Variants in WDFY2 observed in about 807,000 individuals in gnomAD.
The protein encoded by WDFY2 is WD repeat and FYVE domain containing 2.
In WDFY2, 36 loss-of-function variants were observed where a neutral mutation model predicts 56.4. That is an observed-to-expected ratio of 0.64 (90% confidence interval 0.49 to 0.84). The LOEUF (loss-of-function observed/expected upper bound fraction) is 0.84. WDFY2 is among the 40% of genes least tolerant of loss of function. The pLI, the probability that WDFY2 is intolerant of heterozygous loss-of-function variation, is 0.00. For synonymous variants in WDFY2, 176 were observed against 183.7 expected, an observed-to-expected ratio of 0.96 and a Z score of 0.34; for missense variants, 444 against 512.2, an observed-to-expected ratio of 0.87 and a Z score of 1.29.
intron 4 of WDFY2, among the ~76,000 whole-genome samples, chr13:51,707,522 C>T (rs1165608949): frequency 6.6e-6 from 1 of 152,154 alleles, no homozygotes; most frequent in Non-Finnish European, 1.5e-5. Flanking sequence ...GAGAAAGTAT[C>T]TTTCAAAAAC....
At chr13:51,653,261 C>T (rs903491646) in intron 1 of WDFY2, among the ~76,000 whole-genome samples, 12 of 152,156 alleles carry the variant, frequency 7.9e-5, no homozygotes, top group Non-Finnish European at 1.6e-4. Context: ...TCCATCAGGT[C>T]CTTTAAGGAC....
intron 4 of WDFY2, among the ~76,000 whole-genome samples, chr13:51,704,151 C>G (rs1157501015): frequency 3.3e-5 from 5 of 152,094 alleles, no homozygotes; most frequent in African/African-American, 1.2e-4. Flanking sequence ...TGAGGTAGAC[C>G]TTTTAACACT....
intron 4 of WDFY2, among the ~76,000 whole-genome samples, chr13:51,717,815 C>G (rs1019474190): frequency 1.3e-5 from 2 of 152,114 alleles, no homozygotes; most frequent in Non-Finnish European, 2.9e-5. Flanking sequence ...GTCACTGCTT[C>G]CCTATTCCCT....
At chr13:51,633,237 A>G (rs1332496710) in intron 1 of WDFY2, among the ~76,000 whole-genome samples, 1 of 152,234 alleles carries the variant, frequency 6.6e-6, no homozygotes, top group Non-Finnish European at 1.5e-5. Flanking sequence ...CCTCTGCTCC[A>G]ACCCTGGAGC....
intron 3 of WDFY2, among the ~76,000 whole-genome samples, chr13:51,701,163 A>G: frequency 6.6e-6 from 1 of 152,210 alleles, no homozygotes; most frequent in East Asian, 1.9e-4. Flanking sequence ...TGGTATCACA[A>G]GGGATTTTTA....
chr13:51,652,854 A>C (rs1344196160), intron 1 of WDFY2, among the ~76,000 whole-genome samples: 1 of 151,940 alleles, frequency 6.6e-6, no homozygotes, highest in African/African-American at 2.4e-5. Flanking sequence ...CCTTCATTTC[A>C]ACTTTGGTGA....
intron 4 of WDFY2, among the ~76,000 whole-genome samples, chr13:51,718,078 A>G (rs534939450): frequency 6.6e-6 from 1 of 152,318 alleles, no homozygotes; most frequent in South Asian, 2.1e-4. Context: ...TGGTATTATT[A>G]TTGTCAGCAG....
intron 3 of WDFY2, among the ~76,000 whole-genome samples, chr13:51,694,951 C>A (rs1172846494): frequency 5.3e-5 from 8 of 152,168 alleles, no homozygotes; most frequent in African/African-American, 1.9e-4. Flanking sequence ...ATCACTGATA[C>A]CCTTTCTTCC....
chr13:51,628,694 G>A (rs1954888664), intron 1 of WDFY2, among the ~76,000 whole-genome samples: 1 of 152,232 alleles, frequency 6.6e-6, no homozygotes, highest in Non-Finnish European at 1.5e-5. Context: ...GGCAGGATGA[G>A]CTAATAGAGC....
intron 1 of WDFY2, among the ~76,000 whole-genome samples, chr13:51,641,197 C>T (rs1000940824): frequency 2.6e-5 from 4 of 151,916 alleles, no homozygotes; most frequent in Admixed American, 6.5e-5. Flanking sequence ...CCTAGCCTCC[C>T]GAGTAGCTGG....
At chr13:51,611,568 C>CA (rs1371318008) in intron 1 of WDFY2, among the ~76,000 whole-genome samples, 2 of 152,196 alleles carry the variant, frequency 1.3e-5, no homozygotes, top group Non-Finnish European at 2.9e-5. Flanking sequence ...AAGGGGTTCA[C>CA]AACACTGTTG....
chr13:51,695,016 T>A (rs1460160198), intron 3 of WDFY2, among the ~76,000 whole-genome samples: 3 of 152,230 alleles, frequency 2.0e-5, no homozygotes, highest in Admixed American at 6.5e-5. Flanking sequence ...TTCTCAAGCC[T>A]TGGCTTTCAG....
chr13:51,760,817 A>C lies in WDFY2; in HGVS notation c.*1048A>C, dbSNP rs2138790811. ...TCTGCTCCTGTGAGAATCTGACGCC[A>C]CCGCTGATCTGATGGGAGGCGGAGC... is the stretch of plus-strand genomic sequence containing the variant. On this transcript the variant is annotated 3_prime_UTR_variant, in exon 12 of 12. Coordinates refer to ENST00000298125, the MANE Select transcript of WDFY2 (RefSeq NM_052950.4). 6.6e-6 allele frequency: 1 copy of C among 152,480 alleles called. No individual in the cohort carries two copies. The highest frequency in any genetic ancestry group is 3.4e-3 in the Middle Eastern group (1 of 294). The allele number at this position is 152,480 out of a possible 1,614,324, so 9.4% of individuals were successfully genotyped here.
At chr13:51,627,357 G>A (rs116234250) in intron 1 of WDFY2, among the ~76,000 whole-genome samples, 121 of 152,122 alleles carry the variant, frequency 8.0e-4, no homozygotes, top group African/African-American at 2.1e-3. Flanking sequence ...TCCATTTGAC[G>A]GGTCCGTAGT....
chr13:51,701,898 G>A (rs983841612), intron 3 of WDFY2, among the ~76,000 whole-genome samples: 2 of 152,084 alleles, frequency 1.3e-5, no homozygotes, highest in African/African-American at 4.8e-5. Flanking sequence ...TGGGGGTCAG[G>A]GTCAAGGTCC....
intron 3 of WDFY2, among the ~76,000 whole-genome samples, chr13:51,700,042 G>A (rs1367282340): frequency 2.0e-5 from 3 of 152,108 alleles, no homozygotes; most frequent in Middle Eastern, 3.2e-3. Flanking sequence ...CTGTATTTTG[G>A]GTGAAAACAG....
chr13:51,652,396 C>G (rs1955409485), intron 1 of WDFY2, among the ~76,000 whole-genome samples: 1 of 152,106 alleles, frequency 6.6e-6, no homozygotes, highest in South Asian at 2.1e-4. Context: ...AGCATTTAGC[C>G]CATTTACGTT....
At chr13:51,654,552 A>G (rs534429732) in intron 1 of WDFY2, among the ~76,000 whole-genome samples, 2 of 152,048 alleles carry the variant, frequency 1.3e-5, no homozygotes, top group Non-Finnish European at 2.9e-5. Flanking sequence ...CTCCACCCAG[A>G]CTTTTTTTCC....
At chr13:51,653,998 C>T (rs997808193) in intron 1 of WDFY2, among the ~76,000 whole-genome samples, 2 of 152,194 alleles carry the variant, frequency 1.3e-5, no homozygotes, top group Non-Finnish European at 1.5e-5. Flanking sequence ...TGCCCTGCCC[C>T]CAGAGGTGGA....
Sources: allele counts gnomAD v4.1 joint callset (sites outside exome capture counted in the v4.1 genomes callset), GRCh38; gene constraint gnomAD v4.1.1; transcripts MANE v1.5; gene names NCBI Gene and HGNC (gene_info 2026-07-23, HGNC 2026-07-21).